Variants in CHRDL2 observed in about 807,000 individuals in gnomAD.
The protein encoded by CHRDL2 is chordin like 2.
CHRDL2 carries 41 observed loss-of-function variants against 54.3 expected under a neutral mutation model. That is an observed-to-expected ratio of 0.76 (90% CI 0.59 to 0.98). The LOEUF (loss-of-function observed/expected upper bound fraction) is 0.98. CHRDL2 is among the 50% of genes least tolerant of loss of function. The pLI, the probability that CHRDL2 is intolerant of heterozygous loss-of-function variation, is 0.00. For synonymous variants in CHRDL2, 220 were observed against 224.3 expected (o/e 0.98, Z 0.17); for missense variants, 518 against 562.4 (o/e 0.92, Z 0.80).
chr11:74,727,416 T>C (rs1213709163), intron 1 of CHRDL2, among the ~76,000 whole-genome samples: 1 of 152,164 alleles, frequency 6.6e-6, no homozygotes, highest in Non-Finnish European at 1.5e-5. Flanking sequence ...CATGGATTGT[T>C]TTTTTCTCAG....
chr11:74,722,551 TA>T (rs34163640), intron 1 of CHRDL2, among the ~76,000 whole-genome samples: 20,027 of 151,208 alleles, frequency 0.13, 1,850 homozygotes, highest in African/African-American at 0.26. Flanking sequence ...TAAATAGGTT[TA>T]AAAAAAAACA....
At chr11:74,703,911 T>C (rs889862162) in intron 7 of CHRDL2, among the ~76,000 whole-genome samples, 4 of 152,158 alleles carry the variant, frequency 2.6e-5, no homozygotes, top group Non-Finnish European at 5.9e-5. Context: ...AGTAGCCCCA[T>C]AGCTCTTCCT....
intron 1 of CHRDL2, among the ~76,000 whole-genome samples, chr11:74,726,622 C>T (rs532233299): frequency 2.6e-5 from 4 of 152,296 alleles, no homozygotes; most frequent in Admixed American, 6.5e-5. Context: ...TCCCAGAGTC[C>T]GGCGCCATGG....
chr11:74,717,728 GC>G (rs1162067822), intron 2 of CHRDL2, among the ~76,000 whole-genome samples: 2 of 152,198 alleles, frequency 1.3e-5, no homozygotes, highest in African/African-American at 2.4e-5. Flanking sequence ...ACTCTTAGAG[GC>G]CTTCTGCATT....
chr11:74,714,873 C>G (rs183117189), intron 2 of CHRDL2, among the ~76,000 whole-genome samples: 4 of 152,066 alleles, frequency 2.6e-5, no homozygotes, highest in African/African-American at 9.7e-5. Context: ...GACAGGTTAG[C>G]GGTGAAAGGG....
chr11:74,697,727 C>A, intron 9 of CHRDL2: 1 of 386,040 alleles, frequency 2.6e-6, no homozygotes. Context: ...CCACCTGTCC[C>A]CAGTGCAGGG....
At chr11:74,723,281 G>A (rs1336775222) in intron 1 of CHRDL2, among the ~76,000 whole-genome samples, 2 of 152,138 alleles carry the variant, frequency 1.3e-5, no homozygotes, top group East Asian at 1.9e-4. Flanking sequence ...GTGAGTGTGC[G>A]GCACTTGGCA....
At chr11:74,706,681 C>T in intron 5 of CHRDL2, 139 bp from the exon 6 acceptor site, 1 of 741,678 alleles carries the variant, frequency 1.3e-6, no homozygotes, top group Non-Finnish European at 2.3e-6. Flanking sequence ...TAGCCAGCTC[C>T]TTTGCCCCAG....
rs1237051085 is a variant in CHRDL2 at position 74,728,239 on chromosome 11, G to A, written c.82+2568C>T. Among the ~76,000 whole-genome samples, 3 of 152,310 alleles carry A rather than the reference G, an allele frequency of 2.0e-5. No homozygotes were observed. The East Asian group carries it at 5.8e-4, about 29-fold the overall frequency. On this transcript the variant is annotated intron_variant, in intron 1 of 10. Transcript: ENST00000376332. ...CAGGGCTCCGACACCTCAGGAGCCT[G>A]ATACCACACAGACTTGAACATTTCC...
intron 5 of CHRDL2, 123 bp from the exon 6 acceptor site, chr11:74,706,665 G>A: frequency 1.2e-6 from 1 of 825,972 alleles, no homozygotes; most frequent in Non-Finnish European, 2.0e-6. Context: ...TGCAGCCCCA[G>A]CCCACTAGCC....
chr11:74,697,111 C>A, intron 10 of CHRDL2, 94 bp downstream of exon 10: 1 of 954,010 alleles, frequency 1.0e-6, no homozygotes. Flanking sequence ...GCCCCTCCTC[C>A]CGGCACCAGC....
chr11:74,725,168 T>G, intron 1 of CHRDL2, among the ~76,000 whole-genome samples: 1 of 151,758 alleles, frequency 6.6e-6, no homozygotes. Flanking sequence ...AATTTTTGTA[T>G]TTTTAGTAGA....
chr11:74,708,702 G>A (rs2034093743), intron 4 of CHRDL2, among the ~76,000 whole-genome samples: 2 of 152,216 alleles, frequency 1.3e-5, no homozygotes. Context: ...TGAGGAGCCG[G>A]AGCGGGGCCT....
intron 4 of CHRDL2, among the ~76,000 whole-genome samples, chr11:74,709,059 C>G (rs890137324): frequency 3.9e-5 from 6 of 152,350 alleles, no homozygotes; most frequent in Non-Finnish European, 4.4e-5. Context: ...AGCACTATTG[C>G]CCTGAGACCT....
At chr11:74,710,413 G>A (rs1274088246) in intron 4 of CHRDL2, among the ~76,000 whole-genome samples, 1 of 152,158 alleles carries the variant, frequency 6.6e-6, no homozygotes, top group African/African-American at 2.4e-5. Context: ...CAATAGGCAG[G>A]AGGAGTTTAA....
Position 74,710,985 on chromosome 11 carries a change from T to G in CHRDL2, c.296A>C (p.His99Pro). The change falls in exon 4 of 11, where the codon CAC becomes CCC. Residue 99 changes from histidine (H) to proline (P), a missense_variant. Physicochemically the swap from His to Pro is moderately conservative, Grantham distance 77. Coordinates refer to ENST00000376332, the MANE Select transcript of CHRDL2 (RefSeq NM_001278473.3). The stretch of plus-strand genomic sequence containing the variant: ...TGGGGCCCGGAGTCCAGAGGGAGTG[T>G]GAGGTTCTGCAGTGGGGGAGGGGCA... Reference protein sequence around the residue: ...QQCCPKCVEPHTPSGLRAPPK... With the variant: ...QQCCPKCVEPPTPSGLRAPPK... 4 of 1,613,244 alleles carry G rather than the reference T, an allele frequency of 2.5e-6. No homozygotes were observed. Among genetic ancestry groups the G allele is most frequent in the Non-Finnish European group, 3.4e-6 (4 of 1,179,580 alleles).
At chr11:74,713,013 T>C (rs12419371) in intron 3 of CHRDL2, among the ~76,000 whole-genome samples, 55,294 of 151,958 alleles carry the variant, frequency 0.36, 10,816 homozygotes, top group East Asian at 0.56. Context: ...GGTCTCCCCT[T>C]AGGACCTTCA....
At chr11:74,712,207 T>C (rs1292041729) in intron 3 of CHRDL2, among the ~76,000 whole-genome samples, 3 of 150,108 alleles carry the variant, frequency 2.0e-5, no homozygotes, top group African/African-American at 7.4e-5. Flanking sequence ...AGGGCTAGGG[T>C]GGATGGAAGC....
chr11:74,700,623 T>G (rs1405322931), intron 9 of CHRDL2, among the ~76,000 whole-genome samples: 1 of 85,812 alleles, frequency 1.2e-5, no homozygotes, highest in Non-Finnish European at 2.9e-5. Context: ...AATCTTTTTT[T>G]TATTATTATT....
Sources: gnomAD v4.1 joint callset for allele counts (sites outside exome capture counted in the v4.1 genomes callset) on GRCh38, gnomAD v4.1.1 for gene constraint, MANE v1.5 for transcripts, NCBI Gene and HGNC (gene_info 2026-07-23, HGNC 2026-07-21) for gene names.